The following MIPOL1 variants were observed in gnomAD, a reference collection of about 807,000 sequenced individuals.
The protein encoded by MIPOL1 is mirror-image polydactyly 1.
A neutral mutation model predicts 60.9 loss-of-function variants in MIPOL1; 57 were observed. The observed-to-expected ratio is 0.94, with a 90% CI of 0.76 to 1.17. The LOEUF is 1.17. Among genes scored for constraint, MIPOL1 ranks in the 50% most tolerant of loss-of-function variants. The pLI, the probability that MIPOL1 is intolerant of heterozygous loss-of-function variation, is 0.00. For synonymous variants in MIPOL1, 179 were observed against 168.8 expected (o/e 1.06, Z -0.47); for missense variants, 551 against 511.6 (o/e 1.08, Z -0.74).
At chr14:37,545,015 A>T (rs148310382) in intron 12 of MIPOL1, among the ~76,000 whole-genome samples, 3 of 152,352 alleles carry the variant, frequency 2.0e-5, no homozygotes, top group East Asian at 3.9e-4. Context: ...AATTTGTAGT[A>T]ACAATAATAA....
intron 10 of MIPOL1, among the ~76,000 whole-genome samples, chr14:37,413,822 A>G (rs1356892707): frequency 1.3e-5 from 2 of 152,218 alleles, no homozygotes; most frequent in Non-Finnish European, 2.9e-5. Context: ...CTTTTTTACT[A>G]GGCTGTTTTA....
chr14:37,383,016 C>T lies in MIPOL1; in HGVS notation c.936+13392C>T, dbSNP rs1245491445. Among the ~76,000 whole-genome samples the T allele has an allele frequency of 3.3e-5, 5 of 151,410 alleles. No individual in the cohort carries two copies. In the East Asian group the frequency reaches 5.8e-4, roughly 18 times the overall value. ...TATTTCACAGTCTTGAAAAAAATTTCATGTATCTTCAGATGAATGTCACCC... is the reference window on the plus strand; with the variant it reads ...TATTTCACAGTCTTGAAAAAAATTTTATGTATCTTCAGATGAATGTCACCC... On this transcript the variant is annotated intron_variant, in intron 10 of 12. Coordinates refer to ENST00000684589, the MANE Select transcript of MIPOL1 (RefSeq NM_001388067.1).
intron 9 of MIPOL1, among the ~76,000 whole-genome samples, chr14:37,361,546 C>A (rs1248294777): frequency 6.7e-6 from 1 of 149,160 alleles, no homozygotes; most frequent in Non-Finnish European, 1.5e-5. Flanking sequence ...GGATAGTTAG[C>A]TCTCCTTGTT....
chr14:37,244,445 T>G (rs1972868916), intron 1 of MIPOL1, among the ~76,000 whole-genome samples: 1 of 151,992 alleles, frequency 6.6e-6, no homozygotes. Flanking sequence ...ATACTGAAAA[T>G]TTTTCAGAAT....
At chr14:37,285,597 T>A in intron 7 of MIPOL1, 150 bp downstream of exon 7, 2 of 303,980 alleles carry the variant, frequency 6.6e-6, no homozygotes, top group Non-Finnish European at 1.1e-5. Context: ...TTTTCTTTTC[T>A]TTTTTTTTTT....
chr14:37,439,409 T>C (rs140382329), intron 11 of MIPOL1, among the ~76,000 whole-genome samples: 195 of 152,326 alleles, frequency 1.3e-3, no homozygotes, highest in African/African-American at 4.3e-3. Context: ...TGGAATTTTA[T>C]TGTTAACATG....
In MIPOL1 at chr14:37,293,537, G is replaced by T. The variant is rs1392485174; in HGVS notation, c.623+8090G>T. On this transcript the variant is annotated intron_variant, in intron 7 of 12. Transcript: ENST00000684589. ...TCGTGTCACCCGGGAAGCGCAAGGG[G>T]TCAGGGAATTCCCTTTCCTAGTCAA... Among the ~76,000 whole-genome samples the T allele has an allele frequency of 2.6e-5, 4 of 152,196 alleles. No homozygotes were observed. The South Asian group carries it at 6.2e-4, about 24-fold the overall frequency.
chr14:37,359,994 A>G (rs1436230723), intron 9 of MIPOL1, among the ~76,000 whole-genome samples: 1 of 152,142 alleles, frequency 6.6e-6, no homozygotes, highest in African/African-American at 2.4e-5. Flanking sequence ...GATACGTTCC[A>G]TCAATGTCTA....
At chr14:37,458,594 G>A (rs2094502950) in intron 11 of MIPOL1, among the ~76,000 whole-genome samples, 1 of 151,968 alleles carries the variant, frequency 6.6e-6, no homozygotes, top group African/African-American at 2.4e-5. Flanking sequence ...TAAAGTGAGA[G>A]GATCACTTGA....
chr14:37,410,109 A>G (rs2153538371), intron 10 of MIPOL1, among the ~76,000 whole-genome samples: 1 of 152,352 alleles, frequency 6.6e-6, no homozygotes. Flanking sequence ...CTAGCATTCT[A>G]ACATAAAATT....
chr14:37,246,820 T>G (rs1973265769), intron 1 of MIPOL1, among the ~76,000 whole-genome samples: 1 of 152,068 alleles, frequency 6.6e-6, no homozygotes. Context: ...TACTAATTGC[T>G]GGCATTCATT....
At chr14:37,216,437 AATAG>A (rs752205554) in intron 1 of MIPOL1, among the ~76,000 whole-genome samples, 38 of 152,342 alleles carry the variant, frequency 2.5e-4, no homozygotes, top group Non-Finnish European at 1.0e-4. Flanking sequence ...AAATTGACCT[AATAG>A]ATAGTTACAG....
chr14:37,386,909 A>G (rs2093085309), intron 10 of MIPOL1, among the ~76,000 whole-genome samples: 1 of 151,986 alleles, frequency 6.6e-6, no homozygotes, highest in East Asian at 1.9e-4. Context: ...CAGCTTTTCA[A>G]TGGATTTGAA....
intron 10 of MIPOL1, among the ~76,000 whole-genome samples, chr14:37,382,811 G>T (rs903468890): frequency 1.3e-5 from 2 of 151,706 alleles, no homozygotes; most frequent in South Asian, 4.1e-4. Context: ...TAGATAGCAT[G>T]GATTTTAATT....
At chr14:37,401,611 A>T (rs2093483255) in intron 10 of MIPOL1, 1 of 152,078 alleles carries the variant, frequency 6.6e-6, no homozygotes, top group African/African-American at 2.4e-5. Context: ...TTTAGCCAAA[A>T]TATCATTTAT....
intron 11 of MIPOL1, among the ~76,000 whole-genome samples, chr14:37,474,975 AT>A (rs1174908321): frequency 2.7e-5 from 4 of 149,286 alleles, no homozygotes; most frequent in East Asian, 3.9e-4. Flanking sequence ...TTTTATTTTT[AT>A]TTTTTTTTGA....
At chr14:37,463,173 G>A (rs1209203483) in intron 11 of MIPOL1, among the ~76,000 whole-genome samples, 2 of 152,156 alleles carry the variant, frequency 1.3e-5, no homozygotes, top group African/African-American at 4.8e-5. Context: ...CATCTTATGT[G>A]GATGTCAGCA....
At chr14:37,529,295 T>C (rs978546987) in intron 12 of MIPOL1, among the ~76,000 whole-genome samples, 4 of 152,152 alleles carry the variant, frequency 2.6e-5, no homozygotes, top group Admixed American at 6.5e-5. Flanking sequence ...TTACAAGATA[T>C]AAAGACAGCT....
chr14:37,446,552 G>C (rs2153570872), intron 11 of MIPOL1, among the ~76,000 whole-genome samples: 1 of 145,086 alleles, frequency 6.9e-6, no homozygotes, highest in East Asian at 2.0e-4. Flanking sequence ...AATACCATTT[G>C]ACCCAGCCAT....
Sources: allele counts gnomAD v4.1 joint callset (sites outside exome capture counted in the v4.1 genomes callset), GRCh38; gene constraint gnomAD v4.1.1; transcripts MANE v1.5; gene names NCBI Gene and HGNC (gene_info 2026-07-23, HGNC 2026-07-21).